Variants in SGCZ observed in about 807,000 individuals in gnomAD.
The protein encoded by SGCZ is zeta-sarcoglycan.
A neutral mutation model predicts 41.3 loss-of-function variants in SGCZ; 40 were observed. That is an observed-to-expected ratio of 0.97 (90% CI 0.75 to 1.26). The LOEUF is 1.26. Among genes scored for constraint, SGCZ ranks in the 50% most tolerant of loss-of-function variants. The probability of loss-of-function intolerance (pLI) is 0.00; values close to 1 mark genes in which losing one functional copy is unlikely to be tolerated. For missense variants in SGCZ, 552 were observed against 369.8 expected, an observed-to-expected ratio of 1.49 and a Z score of -4.04; for synonymous variants, 206 against 137.5, an observed-to-expected ratio of 1.50 and a Z score of -3.49.
chr8:14,545,080 C>G (rs6991864), intron 2 of SGCZ, among the ~76,000 whole-genome samples: 2,369 of 152,190 alleles, frequency 0.016, 55 homozygotes, highest in African/African-American at 0.054. Flanking sequence ...TAAAATTCCT[C>G]TCTTTGTACT....
At chr8:14,752,903 G>A (rs761972325) in intron 1 of SGCZ, among the ~76,000 whole-genome samples, 1 of 152,194 alleles carries the variant, frequency 6.6e-6, no homozygotes, top group Non-Finnish European at 1.5e-5. Flanking sequence ...TGAGATAAAT[G>A]ATAGTCTGAG....
At chr8:14,945,465 T>A (rs1259052808) in intron 1 of SGCZ, among the ~76,000 whole-genome samples, 2 of 151,786 alleles carry the variant, frequency 1.3e-5, no homozygotes, top group Non-Finnish European at 2.9e-5. Flanking sequence ...TCATGAAGAG[T>A]TGGTCAAATT....
chr8:14,480,897 A>G (rs1192140380), intron 2 of SGCZ, among the ~76,000 whole-genome samples: 1 of 152,072 alleles, frequency 6.6e-6, no homozygotes, highest in Non-Finnish European at 1.5e-5. Flanking sequence ...TCCTGAACTT[A>G]AAAGTTTGAA....
At chr8:14,300,473 T>C (rs2116970056) in intron 3 of SGCZ, among the ~76,000 whole-genome samples, 1 of 152,092 alleles carries the variant, frequency 6.6e-6, no homozygotes, top group East Asian at 1.9e-4. Context: ...TATTCCCAGG[T>C]ATGCTACTTA....
At chr8:14,319,862 G>A (rs1336367527) in intron 3 of SGCZ, among the ~76,000 whole-genome samples, 4 of 151,954 alleles carry the variant, frequency 2.6e-5, no homozygotes, top group Admixed American at 2.6e-4. Flanking sequence ...ATTAAAACAT[G>A]GAGCTAATGC....
chr8:15,004,762 G>C (rs1046833968), intron 1 of SGCZ, among the ~76,000 whole-genome samples: 1 of 152,242 alleles, frequency 6.6e-6, no homozygotes, highest in Non-Finnish European at 1.5e-5. Flanking sequence ...TATAAGGAAG[G>C]AATAAGAGGT....
At chr8:14,103,115 A>T (rs942605852) in intron 6 of SGCZ, among the ~76,000 whole-genome samples, 1 of 152,102 alleles carries the variant, frequency 6.6e-6, no homozygotes, top group Non-Finnish European at 1.5e-5. Flanking sequence ...AGAATGAGTG[A>T]CATCAGTCTG....
chr8:14,708,133 TTTAA>T (rs1452395161), intron 1 of SGCZ, among the ~76,000 whole-genome samples: 1 of 151,988 alleles, frequency 6.6e-6, no homozygotes, highest in Admixed American at 6.6e-5. Flanking sequence ...TAATTTAAAT[TTTAA>T]TTAAATTATA....
chr8:14,418,064 G>A (rs1168762361), intron 2 of SGCZ, among the ~76,000 whole-genome samples: 1 of 151,874 alleles, frequency 6.6e-6, no homozygotes, highest in Non-Finnish European at 1.5e-5. Flanking sequence ...ATGCTAGGCA[G>A]TTTGCTGGGT....
chr8:14,187,741 C>T (rs1211536892), intron 4 of SGCZ, among the ~76,000 whole-genome samples: 2 of 151,844 alleles, frequency 1.3e-5, no homozygotes, highest in Admixed American at 1.3e-4. Context: ...AATAGGAATA[C>T]CGGAGTAGAG....
chr8:15,220,251 CTT>C (rs1801547494), intron 1 of SGCZ, among the ~76,000 whole-genome samples: 1 of 152,152 alleles, frequency 6.6e-6, no homozygotes, highest in Admixed American at 6.6e-5. Context: ...TTGTAGCTCT[CTT>C]TGGACAAACT....
intron 1 of SGCZ, among the ~76,000 whole-genome samples, chr8:14,862,063 A>G (rs1184189165): frequency 6.6e-6 from 1 of 152,142 alleles, no homozygotes; most frequent in Non-Finnish European, 1.5e-5. Context: ...ATGAAGACAA[A>G]ATTTTCTTTT....
At chr8:14,426,489 C>T (rs766652081) in intron 2 of SGCZ, among the ~76,000 whole-genome samples, 9 of 151,056 alleles carry the variant, frequency 6.0e-5, no homozygotes, top group Non-Finnish European at 1.3e-4. Flanking sequence ...AGGCAGAGAA[C>T]TAGAGCAAGC....
chr8:14,217,941 T>G (rs781780376), intron 4 of SGCZ, among the ~76,000 whole-genome samples: 21 of 152,086 alleles, frequency 1.4e-4, no homozygotes, highest in Non-Finnish European at 2.9e-4. Flanking sequence ...AACTAAAGAT[T>G]TTTTTAAAGT....
intron 4 of SGCZ, among the ~76,000 whole-genome samples, chr8:14,222,142 G>C (rs1015592009): frequency 2.0e-5 from 3 of 151,966 alleles, no homozygotes; most frequent in Non-Finnish European, 2.9e-5. Flanking sequence ...CATTACTTCA[G>C]GTTTTTGTTG....
chr8:14,732,406 G>C (rs1798889924), intron 1 of SGCZ, among the ~76,000 whole-genome samples: 1 of 152,136 alleles, frequency 6.6e-6, no homozygotes, highest in South Asian at 2.1e-4. Context: ...AGCTAAGAAA[G>C]AAAATAAATG....
At chr8:14,594,176 A>AT (rs1346537000) in intron 1 of SGCZ, among the ~76,000 whole-genome samples, 2 of 99,332 alleles carry the variant, frequency 2.0e-5, no homozygotes, top group East Asian at 2.9e-4. Context: ...CTCCATCTCA[A>AT]AAAATAAATA....
intron 2 of SGCZ, among the ~76,000 whole-genome samples, chr8:14,405,830 G>A (rs150705555): frequency 3.9e-5 from 6 of 152,012 alleles, no homozygotes; most frequent in African/African-American, 1.2e-4. Context: ...AGAACATTTC[G>A]GCATTATCAT....
At chr8:14,247,659 A>T (rs1799150307) in intron 3 of SGCZ, among the ~76,000 whole-genome samples, 1 of 152,162 alleles carries the variant, frequency 6.6e-6, no homozygotes, top group African/African-American at 2.4e-5. Context: ...CAACTAGGAG[A>T]TATCCTCCTC....
Sources: allele counts gnomAD v4.1 joint callset (sites outside exome capture counted in the v4.1 genomes callset), GRCh38; gene constraint gnomAD v4.1.1; transcripts MANE v1.5; gene names NCBI Gene and HGNC (gene_info 2026-07-23, HGNC 2026-07-21).